Variants in DLC1 observed in about 807,000 individuals in gnomAD.
DLC1 encodes rho GTPase-activating protein 7.
A neutral mutation model predicts 140.3 loss-of-function variants in DLC1; 54 were observed. The ratio of observed to expected loss-of-function variants is 0.38; its 90% CI spans 0.31 to 0.48. The LOEUF (loss-of-function observed/expected upper bound fraction) is 0.48, where lower values mean the gene tolerates loss of function less well. Among genes scored for constraint, DLC1 ranks in the 20% least tolerant of loss-of-function variants. The probability of loss-of-function intolerance (pLI) is 0.96; values close to 1 mark genes in which losing one functional copy is unlikely to be tolerated. For synonymous variants in DLC1, 986 were observed against 728.1 expected, an observed-to-expected ratio of 1.35 and a Z score of -5.70; for missense variants, 2,536 against 1,907.0, an observed-to-expected ratio of 1.33 and a Z score of -6.14.
At chr8:13,284,707 T>A (rs1321855815) in intron 5 of DLC1, among the ~76,000 whole-genome samples, 2 of 152,134 alleles carry the variant, frequency 1.3e-5, no homozygotes, top group Non-Finnish European at 2.9e-5. Context: ...GGATTGAAGA[T>A]TAATATACAA....
intron 4 of DLC1, among the ~76,000 whole-genome samples, chr8:13,347,817 G>A (rs1030125455): frequency 2.0e-5 from 3 of 152,242 alleles, no homozygotes; most frequent in Non-Finnish European, 2.9e-5. Flanking sequence ...ATCTTCCAGG[G>A]AAAGGGCATT....
intron 1 of DLC1, among the ~76,000 whole-genome samples, chr8:13,561,403 C>T (rs978937070): frequency 1.3e-5 from 2 of 152,128 alleles, no homozygotes; most frequent in South Asian, 4.1e-4. Flanking sequence ...TGGTCTTGAA[C>T]TCCTATTCTT....
chr8:13,417,390 T>C (rs1244857447), intron 2 of DLC1, among the ~76,000 whole-genome samples: 1 of 134,700 alleles, frequency 7.4e-6, no homozygotes, highest in Non-Finnish European at 1.5e-5. Context: ...CCCCAGAGTG[T>C]GATGTTCCCC....
chr8:13,338,269 G>T (rs2116971465), intron 4 of DLC1, among the ~76,000 whole-genome samples: 1 of 152,162 alleles, frequency 6.6e-6, no homozygotes, highest in East Asian at 1.9e-4. Flanking sequence ...TACGTTACAG[G>T]TGGTTAAAAA....
At position 13,085,757 on chromosome 8, in the gene DLC1, A is replaced by C. The variant is rs896673280; in HGVS notation, c.*54T>G. ...AGAACCCATTCTTCAAGGACTGGCAAAAGTTCTAGAAACAAACACCATGGT... is the reference window on the plus strand; with the variant it reads ...AGAACCCATTCTTCAAGGACTGGCACAAGTTCTAGAAACAAACACCATGGT... On this transcript the variant is annotated 3_prime_UTR_variant, in exon 18 of 18. Transcript: ENST00000276297. 1 of 1,609,526 alleles carries C rather than the reference A, an allele frequency of 6.2e-7. No homozygotes were observed. Among genetic ancestry groups the C allele is most frequent in the African/African-American group, 1.3e-5 (1 of 74,880 alleles).
chr8:13,592,307 A>G (rs1339495620), intron 1 of DLC1, among the ~76,000 whole-genome samples: 2 of 152,058 alleles, frequency 1.3e-5, no homozygotes, highest in Admixed American at 6.6e-5. Flanking sequence ...CTTACCATAC[A>G]TCAGTGACAT....
At chr8:13,546,473 A>G (rs570237055) in intron 1 of DLC1, among the ~76,000 whole-genome samples, 118 of 152,262 alleles carry the variant, frequency 7.7e-4, no homozygotes, top group African/African-American at 2.7e-3. Context: ...TTAAAAAAGC[A>G]CATTTATCTA....
chr8:13,552,724 T>C (rs984560432), intron 1 of DLC1, among the ~76,000 whole-genome samples: 1 of 151,828 alleles, frequency 6.6e-6, no homozygotes, highest in Non-Finnish European at 1.5e-5. Flanking sequence ...AAGGGTTTTG[T>C]CATATTTTTT....
upstream of DLC1, among the ~76,000 whole-genome samples, chr8:13,518,464 A>T (rs1287477431): frequency 6.6e-6 from 1 of 152,200 alleles, no homozygotes; most frequent in Non-Finnish European, 1.5e-5. Flanking sequence ...ATTAGCTATG[A>T]TCATTTATCT....
intron 2 of DLC1, among the ~76,000 whole-genome samples, chr8:13,404,555 AT>A (rs1837441814): frequency 6.6e-6 from 1 of 152,300 alleles, no homozygotes; most frequent in Middle Eastern, 3.4e-3. Context: ...AAAATAACAC[AT>A]TTTATTTTTT....
intron 5 of DLC1, among the ~76,000 whole-genome samples, chr8:13,195,962 G>A (rs967715549): frequency 1.3e-5 from 2 of 152,062 alleles, no homozygotes; most frequent in African/African-American, 2.4e-5. Flanking sequence ...CAAAATAAAG[G>A]ATAATTCAAG....
intron 5 of DLC1, among the ~76,000 whole-genome samples, chr8:13,170,004 G>A (rs1049138657): frequency 6.6e-6 from 1 of 152,060 alleles, no homozygotes; most frequent in African/African-American, 2.4e-5. Flanking sequence ...TGGCAACAGA[G>A]CAAGACCTTG....
chr8:13,128,731 A>T (rs1368203757), intron 5 of DLC1, among the ~76,000 whole-genome samples: 1 of 151,860 alleles, frequency 6.6e-6, no homozygotes, highest in East Asian at 1.9e-4. Context: ...GCTACTCGGG[A>T]GGCTGGGGCA....
upstream of DLC1, among the ~76,000 whole-genome samples, chr8:13,518,518 T>G (rs1198726248): frequency 6.6e-6 from 1 of 152,244 alleles, no homozygotes; most frequent in Non-Finnish European, 1.5e-5. Flanking sequence ...TCTGGACTTC[T>G]GTACAGAATT....
At chr8:13,474,129 G>A (rs766440711) in intron 2 of DLC1, among the ~76,000 whole-genome samples, 8 of 152,178 alleles carry the variant, frequency 5.3e-5, no homozygotes, top group Admixed American at 1.3e-4. Flanking sequence ...AAATGGTTTT[G>A]TGGGCCAGGC....
chr8:13,260,881 T>C (rs1239467530), intron 5 of DLC1, among the ~76,000 whole-genome samples: 2 of 152,224 alleles, frequency 1.3e-5, no homozygotes, highest in Non-Finnish European at 2.9e-5. Flanking sequence ...ATTCCCAATA[T>C]CTATTTTATC....
chr8:13,584,031 T>C (rs1397089433), intron 1 of DLC1: 1 of 152,592 alleles, frequency 6.6e-6, no homozygotes, highest in Non-Finnish European at 1.5e-5. Context: ...GTATGTTCTG[T>C]TGAGCACTGG....
chr8:13,585,789 T>C (rs1040123727), intron 1 of DLC1, among the ~76,000 whole-genome samples: 7 of 152,192 alleles, frequency 4.6e-5, no homozygotes, highest in African/African-American at 1.7e-4. Flanking sequence ...CTCATATCCC[T>C]ATCCAAATTT....
intron 1 of DLC1, among the ~76,000 whole-genome samples, chr8:13,585,894 C>T (rs1805289209): frequency 6.6e-6 from 1 of 152,072 alleles, no homozygotes; most frequent in African/African-American, 2.4e-5. Flanking sequence ...AGTACTTTTT[C>T]AGTGTATTAA....
Sources: gnomAD v4.1 joint callset for allele counts (sites outside exome capture counted in the v4.1 genomes callset) on GRCh38, gnomAD v4.1.1 for gene constraint, MANE v1.5 for transcripts, NCBI Gene and HGNC (gene_info 2026-07-23, HGNC 2026-07-21) for gene names.